Variants in CTIF observed in about 807,000 individuals in gnomAD.
CTIF encodes the protein CBP80/20-dependent translation initiation factor.
In CTIF, 21 loss-of-function variants were observed where a neutral mutation model predicts 66.0. The observed-to-expected ratio is 0.32, with a 90% CI of 0.23 to 0.46. CTIF has a LOEUF of 0.46. Ranked by LOEUF, CTIF falls within the 20% of genes least tolerant of loss-of-function variation. The probability of loss-of-function intolerance (pLI) is 1.00; values close to 1 mark genes in which losing one functional copy is unlikely to be tolerated. For synonymous variants in CTIF, 345 were observed against 326.4 expected (o/e 1.06, Z -0.62); for missense variants, 739 against 812.7 (o/e 0.91, Z 1.10).
At chr18:48,855,083 G>A (rs2069296620) in intron 10 of CTIF, among the ~76,000 whole-genome samples, 2 of 152,232 alleles carry the variant, frequency 1.3e-5, no homozygotes, top group African/African-American at 4.8e-5. Flanking sequence ...AACTGTGCTG[G>A]CCTGGCGCAG....
chr18:48,556,255 A>G (rs1450580596), intron 1 of CTIF, among the ~76,000 whole-genome samples: 2 of 152,152 alleles, frequency 1.3e-5, no homozygotes, highest in African/African-American at 4.8e-5. Flanking sequence ...TGGGGGCATC[A>G]CTGTGGAGTG....
chr18:48,860,386 A>G lies in CTIF; in HGVS notation c.*827A>G, dbSNP rs1331341099. On this transcript the variant is annotated 3_prime_UTR_variant, in exon 12 of 12. Transcript: ENST00000256413. The stretch of plus-strand genomic sequence containing the variant: ...GAGATCAAACCCAGCTCCCCTCTAG[A>G]AGAAGGATTCGAGCCACAGACAGCT... 6.2e-6 allele frequency: 1 copy of G among 161,756 alleles called. No homozygotes were observed. The highest frequency in any genetic ancestry group is 1.4e-5 in the Non-Finnish European group (1 of 73,508). The allele number at this position is 161,756 out of a possible 1,614,324, so 10.0% of individuals were successfully genotyped here.
Position 48,681,074 on chromosome 18 carries a change from G to A in CTIF, c.507+10330G>A, listed in dbSNP as rs562175573. The stretch of plus-strand genomic sequence containing the variant: ...CAGGACACACTGACTCTTACTGGCT[G>A]GAAGGCGTTTTTCCAGCATTGCAGC... On this transcript the variant is annotated intron_variant, in intron 6 of 11. Coordinates refer to ENST00000256413, the MANE Select transcript of CTIF (RefSeq NM_014772.3). Among the ~76,000 whole-genome samples, 5 of 152,356 alleles carry A rather than the reference G, an allele frequency of 3.3e-5. No individual in the cohort carries two copies. In the South Asian group the frequency reaches 1.0e-3, roughly 32 times the overall value.
At chr18:48,788,007 G>A (rs151199091) in intron 9 of CTIF, among the ~76,000 whole-genome samples, 26 of 152,238 alleles carry the variant, frequency 1.7e-4, no homozygotes, top group Non-Finnish European at 3.7e-4. Context: ...GGTGAGGCTG[G>A]GGCCAGGCAC....
chr18:48,542,552 G>A (rs1326658646), intron 1 of CTIF, among the ~76,000 whole-genome samples: 1 of 152,216 alleles, frequency 6.6e-6, no homozygotes, highest in Non-Finnish European at 1.5e-5. Context: ...TCCAGCAAAT[G>A]TTTATGAAGC....
intron 9 of CTIF, among the ~76,000 whole-genome samples, chr18:48,777,901 C>T (rs772358180): frequency 6.6e-6 from 1 of 152,222 alleles, no homozygotes; most frequent in Non-Finnish European, 1.5e-5. Context: ...GGCAAAGGGG[C>T]TTCCGTGTGG....
At chr18:48,794,638 A>G (rs2067870326) in intron 9 of CTIF, among the ~76,000 whole-genome samples, 1 of 152,184 alleles carries the variant, frequency 6.6e-6, no homozygotes, top group Non-Finnish European at 1.5e-5. Flanking sequence ...GAATAGCTTT[A>G]AAAATAGGAC....
intron 1 of CTIF, among the ~76,000 whole-genome samples, chr18:48,588,166 G>A (rs1004738814): frequency 2.0e-5 from 3 of 152,274 alleles, no homozygotes; most frequent in Middle Eastern, 3.4e-3. Context: ...AGCTCCATGG[G>A]CATTCTTCCT....
chr18:48,817,510 T>C (rs1214955210), intron 10 of CTIF, 134 bp downstream of exon 10: 21 of 1,074,978 alleles, frequency 2.0e-5, no homozygotes, highest in Non-Finnish European at 1.3e-6. Flanking sequence ...GCACGGTGGC[T>C]CACACCTGTA....
intron 10 of CTIF, among the ~76,000 whole-genome samples, chr18:48,852,003 G>A (rs2069213151): frequency 6.6e-6 from 1 of 152,056 alleles, no homozygotes. Context: ...AGGCCAAGGT[G>A]GGAGGATCAC....
intron 9 of CTIF, among the ~76,000 whole-genome samples, chr18:48,791,222 G>T (rs1385825994): frequency 1.3e-5 from 2 of 152,244 alleles, no homozygotes; most frequent in Admixed American, 1.3e-4. Context: ...CACTGGACAG[G>T]TGAGGAAACT....
chr18:48,628,191 A>G (rs1236172531), intron 2 of CTIF, among the ~76,000 whole-genome samples: 1 of 152,176 alleles, frequency 6.6e-6, no homozygotes, highest in Non-Finnish European at 1.5e-5. Flanking sequence ...CTGGGGGGCA[A>G]AGGTCAAGAG....
At position 48,860,407 on chromosome 18, in the gene CTIF, C is replaced by A. The variant is rs971624723; in HGVS notation, c.*848C>A. On this transcript the variant is annotated 3_prime_UTR_variant, in exon 12 of 12. Transcript: ENST00000256413. ...CTAGAAGAAGGATTCGAGCCACAGA[C>A]AGCTTGCCAGTAGCCAATTAGGGTA... is the stretch of plus-strand genomic sequence containing the variant. 1 of 160,190 alleles carries A rather than the reference C, an allele frequency of 6.2e-6. No homozygotes were observed. The highest frequency in any genetic ancestry group is 1.4e-5 in the Non-Finnish European group (1 of 72,638). The allele number at this position is 160,190 out of a possible 1,614,324, so 9.9% of individuals were successfully genotyped here.
chr18:48,659,294 C>T lies in CTIF; in HGVS notation c.253-4458C>T, dbSNP rs1304928689. Among the ~76,000 whole-genome samples the T allele has an allele frequency of 2.0e-5, 3 of 152,174 alleles. No homozygotes were observed. The East Asian group carries it at 5.8e-4, about 29-fold the overall frequency. On this transcript the variant is annotated intron_variant, in intron 3 of 11. Transcript: ENST00000256413. ...GAGACTCAGCTTCTCGTCTGCCAGGCCCCGAGTCTTCATGGCGATCTCCTT... is the reference window on the plus strand; with the variant it reads ...GAGACTCAGCTTCTCGTCTGCCAGGTCCCGAGTCTTCATGGCGATCTCCTT...
rs558164453 is a variant in CTIF, at chr18:48,817,390, C to T, written c.1527+14C>T. On this transcript the variant is annotated intron_variant, in intron 10 of 11. Transcript: ENST00000256413. ...TGCCTCAGGGAGGTAAGAGACCTGC[C>T]GCCTGTGCCCCCTGCACAGCCAGAC... The T allele has an allele frequency of 2.2e-5, 36 of 1,602,354 alleles. No individual in the cohort carries two copies. Among genetic ancestry groups the T allele is most frequent in the African/African-American group, 9.4e-5 (7 of 74,866 alleles).
chr18:48,741,321 C>T (rs1404542055), intron 7 of CTIF, among the ~76,000 whole-genome samples: 3 of 146,438 alleles, frequency 2.0e-5, no homozygotes, highest in Non-Finnish European at 3.0e-5. Context: ...GTGGGTACTC[C>T]GTGAGCTTAA....
At chr18:48,810,519 T>G (rs1416119607) in intron 9 of CTIF, among the ~76,000 whole-genome samples, 1 of 152,136 alleles carries the variant, frequency 6.6e-6, no homozygotes, top group African/African-American at 2.4e-5. Context: ...AGTCCCAGTA[T>G]GTAACCTGTA....
At chr18:48,774,614 C>T (rs1238819516) in intron 9 of CTIF, among the ~76,000 whole-genome samples, 2 of 152,222 alleles carry the variant, frequency 1.3e-5, no homozygotes, top group Admixed American at 6.5e-5. Flanking sequence ...TCAAAATCGT[C>T]CCCCCTCCAG....
intron 1 of CTIF, among the ~76,000 whole-genome samples, chr18:48,564,063 T>C (rs2089224780): frequency 6.6e-6 from 1 of 152,222 alleles, no homozygotes; most frequent in Non-Finnish European, 1.5e-5. Context: ...CACTTGGCTC[T>C]CCCTTGGTTT....
Sources: gnomAD v4.1 joint callset for allele counts (sites outside exome capture counted in the v4.1 genomes callset) on GRCh38, gnomAD v4.1.1 for gene constraint, MANE v1.5 for transcripts, NCBI Gene and HGNC (gene_info 2026-07-23, HGNC 2026-07-21) for gene names.